PER3: variants seen among roughly 807,000 people sequenced by gnomAD.
PER3 encodes period circadian protein homolog 3.
Under a neutral mutation model 127.2 loss-of-function variants are expected in PER3, and 107 were observed. The observed-to-expected ratio is 0.84, with a 90% CI of 0.72 to 0.99. PER3 has a LOEUF of 0.99. Among genes scored for constraint, PER3 ranks in the 50% least tolerant of loss-of-function variants. PER3 has a pLI of 0.00. For synonymous variants in PER3, 618 were observed against 585.8 expected, an observed-to-expected ratio of 1.05 and a Z score of -0.79; for missense variants, 1,560 against 1,525.8, an observed-to-expected ratio of 1.02 and a Z score of -0.37.
At chr1:7,840,801 C>T (rs1227628268) in intron 21 of PER3, among the ~76,000 whole-genome samples, 3 of 150,290 alleles carry the variant, frequency 2.0e-5, no homozygotes, top group African/African-American at 4.9e-5. Flanking sequence ...AGAGATGGAG[C>T]CTCACTCTGT....
In PER3 at chr1:7,829,966, AAGAAT is replaced by A; in HGVS notation, c.3020_3024del (p.Lys1007ThrfsTer74). ...TCTGTCCACAGGATCGCCTCCCATGAAGAATCCATCCCATCCTACTGCCAGCGCTC... is the reference window on the plus strand; with the variant it reads ...TCTGTCCACAGGATCGCCTCCCATGACCATCCCATCCTACTGCCAGCGCTC... On this transcript the variant is annotated frameshift_variant, in exon 19 of 22. Coordinates refer to ENST00000377532, the MANE Select transcript of PER3 (RefSeq NM_001377275.1). LOFTEE classifies it high-confidence loss of function. The A allele has an allele frequency of 1.9e-5, 19 of 985,630 alleles. No individual in the cohort carries two copies. Among genetic ancestry groups the A allele is most frequent in the East Asian group, 1.1e-4 (1 of 9,046 alleles). The allele number at this position is 985,630 out of a possible 1,614,324, so 61.1% of individuals were successfully genotyped here. A position where few individuals can be genotyped will look rare whatever the true frequency, so the allele number is the denominator to read the frequency against.
chr1:7,828,686 C>T (rs925475487), intron 18 of PER3, among the ~76,000 whole-genome samples: 1 of 152,168 alleles, frequency 6.6e-6, no homozygotes, highest in African/African-American at 2.4e-5. Flanking sequence ...AATCCCAGCT[C>T]GGTCACTAGT....
At chr1:7,786,290 T>C (rs1042728223) in intron 3 of PER3, among the ~76,000 whole-genome samples, 1 of 152,166 alleles carries the variant, frequency 6.6e-6, no homozygotes, top group African/African-American at 2.4e-5. Context: ...AGTAATGATA[T>C]ATCAGGAATT....
In PER3 at chr1:7,803,727, T is replaced by C; in HGVS notation, c.1015T>C (p.Ser339Pro). The C allele has an allele frequency of 6.2e-7, 1 of 1,609,134 alleles. No individual in the cohort carries two copies. Among genetic ancestry groups the C allele is most frequent in the Non-Finnish European group, 8.5e-7 (1 of 1,175,564 alleles). The change falls in exon 10 of 22, where the codon TCT (serine) becomes CCT (proline). Residue 339 changes from serine to proline, a missense_variant. By Grantham distance (74) the Ser-to-Pro change is moderately conservative (BLOSUM62 -1). Coordinates refer to ENST00000377532, the MANE Select transcript of PER3 (RefSeq NM_001377275.1). ...KYAGHPPFEH[S>P]PIRFCTQNGD... is the part of the protein sequence containing the mutation. ...TGCAGGGCATCCTCCCTTTGAACAT[T>C]CTCCCATTCGATTTTGTACTCAAAA...
chr1:7,808,613 G>A (rs2097206292), intron 10 of PER3, among the ~76,000 whole-genome samples: 2 of 152,326 alleles, frequency 1.3e-5, no homozygotes, highest in African/African-American at 4.8e-5. Context: ...TAGTAGCTAA[G>A]GAGGTTACTT....
At chr1:7,821,628 T>A (rs1462486705) in intron 16 of PER3, among the ~76,000 whole-genome samples, 3 of 152,314 alleles carry the variant, frequency 2.0e-5, no homozygotes, top group Non-Finnish European at 2.9e-5. Flanking sequence ...CTCTTTTTTT[T>A]ATATTCTGCC....
chr1:7,794,967 T>G (rs1178745530), intron 6 of PER3, among the ~76,000 whole-genome samples: 1 of 152,144 alleles, frequency 6.6e-6, no homozygotes, highest in African/African-American at 2.4e-5. Flanking sequence ...ACATTGTGAT[T>G]GCCAGTTTTA....
In PER3 at chr1:7,820,525, A is replaced by T. The variant is rs17031601; in HGVS notation, c.1842A>T (p.Ile614=). 2.3e-3 allele frequency: 3,670 copies of T among 1,614,104 alleles called. 74 individuals are homozygous for T. The African/African-American group carries it at 0.042, about 18-fold the overall frequency. ...KSEMPTNGRS[I]DTGGGAPQIL... is the part of the protein sequence containing the mutation. ...AAATGCCAACAAATGGACGGTCCAT[A>T]GACACAGGAGGAGGAGCTCCACAGA... Residue 614 remains isoleucine (I), a synonymous_variant, in exon 16 of 22, where the codon ATA becomes ATT. Transcript: ENST00000377532.
At position 7,826,974 on chromosome 1, in the gene PER3, C is replaced by T. The variant is rs1312171597; in HGVS notation, c.2189-144C>T. On this transcript the variant is annotated intron_variant, in intron 17 of 21. Transcript: ENST00000377532. This position sits in a 1 kb window ranked among gnomAD's most constrained non-coding sequence, Gnocchi z 4.2. ...AACTATTTTTATCCGGAATTTTGTT[C>T]ATCTTTTTAGAGCCACTTTTTGTCA... 1.8e-5 allele frequency: 12 copies of T among 675,294 alleles called. No homozygotes were observed. In the South Asian group the frequency reaches 1.9e-4, roughly 10 times the overall value. The allele number at this position is 675,294 out of a possible 1,614,324, so 41.8% of individuals were successfully genotyped here. A position where few individuals can be genotyped will look rare whatever the true frequency, so the allele number is the denominator to read the frequency against.
intron 7 of PER3, among the ~76,000 whole-genome samples, chr1:7,800,842 AGAG>A (rs1161989346): frequency 1.1e-4 from 4 of 35,552 alleles, no homozygotes; most frequent in South Asian, 1.3e-3. Flanking sequence ...AAAAAAAAAA[AGAG>A]AGAAAACTAT....
chr1:7,842,961 C>A lies in PER3; in HGVS notation c.*206C>A. 1 of 340,990 alleles carries A rather than the reference C, an allele frequency of 2.9e-6. No individual in the cohort carries two copies. The highest frequency in any genetic ancestry group is 5.4e-6 in the Non-Finnish European group (1 of 185,234). 21.1% of individuals were successfully genotyped at this position (340,990 alleles called of 1,614,324 possible). On this transcript the variant is annotated 3_prime_UTR_variant, in exon 22 of 22. Coordinates refer to ENST00000377532, the MANE Select transcript of PER3 (RefSeq NM_001377275.1). ...TTTGTTCCTGATATATTAAAATGGC[C>A]AGTTAGGCTCTTTTTGTAGTTGAAT...
rs188786070 is a variant in PER3 at position 7,815,268 on chromosome 1, C to T, written c.1523-4017C>T. Among the ~76,000 whole-genome samples the T allele has an allele frequency of 7.9e-5, 12 of 152,192 alleles. No individual in the cohort carries two copies. In the East Asian group the frequency reaches 2.1e-3, roughly 27 times the overall value. ...ATTCATATTCAATATTAATAATCTC[C>T]GTACACTAATTTACAAGACTGAAAT... On this transcript the variant is annotated intron_variant, in intron 13 of 21. Transcript: ENST00000377532.
chr1:7,825,336 CTATTA>C (rs2097296589), intron 16 of PER3, among the ~76,000 whole-genome samples: 1 of 152,150 alleles, frequency 6.6e-6, no homozygotes, highest in East Asian at 1.9e-4. Context: ...TAATGTACAA[CTATTA>C]TATATCAATA....
chr1:7,838,927 C>T (rs369726249), intron 21 of PER3, among the ~76,000 whole-genome samples: 1 of 152,062 alleles, frequency 6.6e-6, no homozygotes, highest in Non-Finnish European at 1.5e-5. Context: ...AGAATTTAGC[C>T]CATTTACATT....
chr1:7,830,598 G>A (rs1272466644), intron 19 of PER3, among the ~76,000 whole-genome samples: 1 of 152,224 alleles, frequency 6.6e-6, no homozygotes, highest in Non-Finnish European at 1.5e-5. Context: ...ATGCTGTTGA[G>A]ATGCACGCTC....
At chr1:7,786,630 G>GA (rs1205791322) in intron 3 of PER3, 91 bp from the exon 4 acceptor site, 19 of 715,558 alleles carry the variant, frequency 2.7e-5, no homozygotes, top group East Asian at 2.5e-4. Flanking sequence ...GTTCTCATCC[G>GA]AAAAAAATAA....
chr1:7,801,041 T>C, intron 7 of PER3, 72 bp from the exon 8 acceptor site: 2 of 876,216 alleles, frequency 2.3e-6, no homozygotes, highest in Non-Finnish European at 3.8e-6. Flanking sequence ...TTTTAATATG[T>C]TAAGTGGTTA....
intron 10 of PER3, among the ~76,000 whole-genome samples, chr1:7,808,445 G>T (rs1293982280): frequency 6.6e-6 from 1 of 152,132 alleles, no homozygotes; most frequent in Non-Finnish European, 1.5e-5. Context: ...CACCACTAGG[G>T]TGGGTTGCAG....
At chr1:7,820,727 C>T (rs17031606) in intron 16 of PER3, 87 bp downstream of exon 16, 10 of 1,046,234 alleles carry the variant, frequency 9.6e-6, no homozygotes, top group Admixed American at 2.8e-5. Context: ...ACCATTCGCT[C>T]GGTTGTAACT....
Sources: gnomAD v4.1 joint callset for allele counts (sites outside exome capture counted in the v4.1 genomes callset) on GRCh38, gnomAD v4.1.1 for gene constraint, Gnocchi (gnomAD v3.1) non-coding constraint, MANE v1.5 for transcripts, NCBI Gene and HGNC (gene_info 2026-07-23, HGNC 2026-07-21) for gene names.